Variants in SDK1 observed in about 807,000 individuals in gnomAD.
SDK1 encodes protein sidekick-1.
SDK1 carries 157 observed loss-of-function variants against 245.5 expected under a neutral mutation model. That is an observed-to-expected ratio of 0.64 (90% CI 0.56 to 0.73). SDK1 has a LOEUF of 0.73. SDK1 is among the 30% of genes least tolerant of loss of function. The pLI is 0.00. For synonymous variants in SDK1, 1,647 were observed against 1,278.5 expected (o/e 1.29, Z -6.15); for missense variants, 3,583 against 3,002.3 (o/e 1.19, Z -4.52).
At chr7:4,193,381 T>C (rs1783352777) in intron 35 of SDK1, among the ~76,000 whole-genome samples, 3 of 136,090 alleles carry the variant, frequency 2.2e-5, no homozygotes, top group African/African-American at 8.7e-5. Context: ...TTTATATATA[T>C]ATATATATAT....
intron 4 of SDK1, among the ~76,000 whole-genome samples, chr7:3,651,315 C>T (rs1783007879): frequency 5.3e-5 from 8 of 151,904 alleles, no homozygotes; most frequent in Admixed American, 3.9e-4. Context: ...TTTAAATTTT[C>T]ACTTCTCTAA....
At chr7:3,789,320 G>A (rs1040257666) in intron 4 of SDK1, among the ~76,000 whole-genome samples, 5 of 152,096 alleles carry the variant, frequency 3.3e-5, no homozygotes, top group African/African-American at 1.2e-4. Flanking sequence ...GCTAATTTTT[G>A]TGTTTTTAGT....
At chr7:4,153,263 A>G (rs1324064377) in intron 30 of SDK1, among the ~76,000 whole-genome samples, 4 of 150,886 alleles carry the variant, frequency 2.7e-5, no homozygotes, top group African/African-American at 9.8e-5. Context: ...TTTTCCGTAT[A>G]ATGTAATTTT....
intron 1 of SDK1, among the ~76,000 whole-genome samples, chr7:3,544,669 G>A (rs1004965449): frequency 4.6e-5 from 7 of 152,156 alleles, no homozygotes; most frequent in Admixed American, 1.3e-4. Context: ...TTTTGTGATC[G>A]CATTCTGAAA....
At chr7:4,248,614 A>G (rs1320883217) in intron 44 of SDK1, among the ~76,000 whole-genome samples, 1 of 152,088 alleles carries the variant, frequency 6.6e-6, no homozygotes, top group African/African-American at 2.4e-5. Context: ...ACAAACATGC[A>G]CATACCTAAA....
At chr7:3,366,384 G>GT (rs1781091982) in intron 1 of SDK1, among the ~76,000 whole-genome samples, 1 of 151,396 alleles carries the variant, frequency 6.6e-6, no homozygotes, top group African/African-American at 2.4e-5. Flanking sequence ...ATATTTTGGA[G>GT]ATTACTCCAT....
intron 5 of SDK1, among the ~76,000 whole-genome samples, chr7:3,917,574 T>TG (rs1370856170): frequency 6.6e-6 from 1 of 151,932 alleles, no homozygotes; most frequent in African/African-American, 2.4e-5. Flanking sequence ...AAGAAGGAAG[T>TG]GGGGGTGTGG....
intron 4 of SDK1, among the ~76,000 whole-genome samples, chr7:3,711,372 C>G (rs1785043702): frequency 6.6e-6 from 1 of 152,136 alleles, no homozygotes; most frequent in South Asian, 2.1e-4. Flanking sequence ...GGCCTCTGAC[C>G]TCGTAAAATT....
At chr7:3,609,407 T>C (rs1050454022) in intron 1 of SDK1, among the ~76,000 whole-genome samples, 1 of 151,940 alleles carries the variant, frequency 6.6e-6, no homozygotes, top group Admixed American at 6.6e-5. Flanking sequence ...TTCTTTTTCT[T>C]TTTCTTTTTT....
intron 1 of SDK1, among the ~76,000 whole-genome samples, chr7:3,455,959 A>G (rs771426267): frequency 6.6e-6 from 1 of 152,132 alleles, no homozygotes; most frequent in Non-Finnish European, 1.5e-5. Flanking sequence ...TTGTCTTAGA[A>G]TGTTCTTATT....
intron 1 of SDK1, among the ~76,000 whole-genome samples, chr7:3,440,989 G>A (rs1210316629): frequency 2.0e-5 from 3 of 152,162 alleles, no homozygotes; most frequent in African/African-American, 7.2e-5. Flanking sequence ...TAGTTACACA[G>A]ATTCAAGAAT....
At chr7:4,172,584 G>A (rs1446381953) in intron 32 of SDK1, among the ~76,000 whole-genome samples, 2 of 152,192 alleles carry the variant, frequency 1.3e-5, no homozygotes, top group Non-Finnish European at 2.9e-5. Flanking sequence ...GCAAGGATGT[G>A]TTATTTACCG....
chr7:3,486,818 A>G (rs1409171123), intron 1 of SDK1, among the ~76,000 whole-genome samples: 1 of 152,144 alleles, frequency 6.6e-6, no homozygotes, highest in Non-Finnish European at 1.5e-5. Context: ...TAAAACTTAG[A>G]TAATTTTTGT....
At chr7:4,249,874 C>T (rs1787178307) in intron 44 of SDK1, among the ~76,000 whole-genome samples, 1 of 152,176 alleles carries the variant, frequency 6.6e-6, no homozygotes, top group Non-Finnish European at 1.5e-5. Flanking sequence ...TGGATTAAGA[C>T]CTAACTCACA....
intron 4 of SDK1, among the ~76,000 whole-genome samples, chr7:3,811,743 A>AGGC (rs769686182): frequency 6.6e-6 from 1 of 152,184 alleles, no homozygotes; most frequent in Non-Finnish European, 1.5e-5. Context: ...CTCCGGTGGA[A>AGGC]GGCACGTGGG....
chr7:4,189,766 G>A lies in SDK1; in HGVS notation c.5098+11180G>A, dbSNP rs546572976. Reference sequence around the variant, plus strand: ...GATTGTGCCACTGCACTGCAGCCATGGCAATTGAGTGAGACTCCGTCTCAA... The same window carrying A: ...GATTGTGCCACTGCACTGCAGCCATAGCAATTGAGTGAGACTCCGTCTCAA... On this transcript the variant is annotated intron_variant, in intron 35 of 44. Transcript: ENST00000404826. Among the ~76,000 whole-genome samples the A allele has an allele frequency of 3.9e-5, 6 of 152,346 alleles. No homozygotes were observed. In the East Asian group the frequency reaches 1.2e-3, roughly 29 times the overall value.
chr7:4,069,610 T>C (rs942354302), intron 20 of SDK1, among the ~76,000 whole-genome samples: 1 of 152,222 alleles, frequency 6.6e-6, no homozygotes, highest in Non-Finnish European at 1.5e-5. Context: ...AAGCTTATGC[T>C]CTCTGGGTGT....
chr7:4,119,334 A>G lies in SDK1; in HGVS notation c.3823+5060A>G, dbSNP rs1412511506. Among the ~76,000 whole-genome samples the G allele has an allele frequency of 2.0e-5, 3 of 148,266 alleles. 1 individual carries two copies. Among genetic ancestry groups the G allele is most frequent in the African/African-American group, 4.9e-5 (2 of 40,548 alleles). On this transcript the variant is annotated intron_variant, in intron 25 of 44. Transcript: ENST00000404826. Reference sequence around the variant, plus strand: ...GCCAGGCATGGTAGCACATGCCTGTAGTCCCAGCTACTTGGGAGGCTGAGG... The same window carrying G: ...GCCAGGCATGGTAGCACATGCCTGTGGTCCCAGCTACTTGGGAGGCTGAGG...
intron 4 of SDK1, among the ~76,000 whole-genome samples, chr7:3,661,922 AG>A (rs1163368978): frequency 5.9e-5 from 9 of 152,186 alleles, no homozygotes; most frequent in African/African-American, 1.9e-4. Context: ...GCAACTCTAG[AG>A]GGCTTAGACT....
Sources: allele counts gnomAD v4.1 joint callset (sites outside exome capture counted in the v4.1 genomes callset), GRCh38; gene constraint gnomAD v4.1.1; transcripts MANE v1.5; gene names NCBI Gene and HGNC (gene_info 2026-07-23, HGNC 2026-07-21).